Variants in RETREG1 observed in about 807,000 individuals in gnomAD.
The protein encoded by RETREG1 is family with sequence similarity 134 member B.
A neutral mutation model predicts 54.8 loss-of-function variants in RETREG1; 44 were observed. The observed-to-expected ratio is 0.80, with a 90% CI of 0.63 to 1.03. The LOEUF is 1.03. RETREG1 is among the 50% of genes least tolerant of loss of function. The pLI is 0.00. For synonymous variants in RETREG1, 217 were observed against 238.5 expected, an observed-to-expected ratio of 0.91 and a Z score of 0.83; for missense variants, 554 against 605.1, an observed-to-expected ratio of 0.92 and a Z score of 0.89.
chr5:16,586,592 G>A (rs759484656), intron 1 of RETREG1, among the ~76,000 whole-genome samples: 13 of 152,200 alleles, frequency 8.5e-5, no homozygotes, highest in South Asian at 2.1e-4. Flanking sequence ...AGTCAGATTT[G>A]CAAACCACTG....
At chr5:16,520,262 CTA>C (rs1200561029) in intron 3 of RETREG1, among the ~76,000 whole-genome samples, 1 of 151,872 alleles carries the variant, frequency 6.6e-6, no homozygotes, top group Non-Finnish European at 1.5e-5. Context: ...ATGCTCATCT[CTA>C]TGGTGATAGG....
intron 3 of RETREG1, among the ~76,000 whole-genome samples, chr5:16,496,133 A>C (rs1489385475): frequency 6.6e-6 from 1 of 152,196 alleles, no homozygotes; most frequent in Non-Finnish European, 1.5e-5. Context: ...TAAAAAAAAA[A>C]GTAGTATTAG....
intron 3 of RETREG1, chr5:16,508,496 A>C: frequency 7.7e-7 from 1 of 1,292,718 alleles, no homozygotes; most frequent in Middle Eastern, 1.9e-4. Flanking sequence ...CTCCTTTTTA[A>C]ATTAGTCATA....
chr5:16,557,758 C>T (rs10041159), intron 3 of RETREG1, among the ~76,000 whole-genome samples: 56,995 of 151,972 alleles, frequency 0.38, 10,807 homozygotes, highest in South Asian at 0.47. Context: ...AAAGATTTAC[C>T]CAAGCACAGA....
intron 3 of RETREG1, among the ~76,000 whole-genome samples, chr5:16,488,040 C>T (rs111623524): frequency 1.3e-4 from 20 of 152,274 alleles, no homozygotes; most frequent in African/African-American, 4.6e-4. Context: ...ATGGAGCAGG[C>T]CTGGGTGAGG....
chr5:16,601,681 C>A (rs1486844706), intron 1 of RETREG1, among the ~76,000 whole-genome samples: 2 of 152,132 alleles, frequency 1.3e-5, no homozygotes, highest in African/African-American at 4.8e-5. Flanking sequence ...TAGGCGTGAG[C>A]CACCATACCT....
intron 1 of RETREG1, among the ~76,000 whole-genome samples, chr5:16,609,761 C>A (rs919588392): frequency 6.6e-6 from 1 of 152,084 alleles, no homozygotes; most frequent in Non-Finnish European, 1.5e-5. Flanking sequence ...AAAGGGCGAT[C>A]CTGGGGAGGG....
intron 1 of RETREG1, among the ~76,000 whole-genome samples, chr5:16,615,420 G>T (rs1227786022): frequency 6.9e-6 from 1 of 143,922 alleles, no homozygotes; most frequent in African/African-American, 2.5e-5. Flanking sequence ...AAAAAAGAAA[G>T]AAAGAAAGAA....
chr5:16,500,027 G>C (rs779682257), intron 3 of RETREG1, among the ~76,000 whole-genome samples: 7 of 152,226 alleles, frequency 4.6e-5, no homozygotes. Flanking sequence ...CAAAAATGAG[G>C]CTGAAGCAGG....
chr5:16,475,014 G>A lies in RETREG1; in HGVS notation c.1221C>T (p.His407=), dbSNP rs1408354525. 1 of 1,613,704 alleles carries A rather than the reference G, an allele frequency of 6.2e-7. No individual in the cohort carries two copies. The stretch of plus-strand genomic sequence containing the variant: ...CATCCCCAGCCAGGTTGCTCATCAG[G>A]TGAAAGGTTTGGTCACTGTTCAGAG... ...TLPLNSDQTF[H]LMSNLAGDVI... is the part of the protein sequence containing the mutation. Residue 407 remains histidine (H), a synonymous_variant, in exon 9 of 9, where the codon CAC becomes CAT. Transcript: ENST00000306320.
At chr5:16,576,290 TTTTC>T (rs1742314784) in intron 1 of RETREG1, among the ~76,000 whole-genome samples, 1 of 140,320 alleles carries the variant, frequency 7.1e-6, no homozygotes, top group Admixed American at 7.6e-5. Flanking sequence ...GATTTTTTCT[TTTTC>T]TTTTTTTTTT....
At chr5:16,549,564 A>G (rs1243017780) in intron 3 of RETREG1, among the ~76,000 whole-genome samples, 3 of 152,194 alleles carry the variant, frequency 2.0e-5, no homozygotes, top group Non-Finnish European at 4.4e-5. Context: ...TTTCTGTTCC[A>G]TTTAGACATT....
At chr5:16,527,826 T>C (rs334494) in intron 3 of RETREG1, among the ~76,000 whole-genome samples, 14,205 of 138,540 alleles carry the variant, frequency 0.1, 841 homozygotes, top group African/African-American at 0.13. Flanking sequence ...TTTTTTTTTT[T>C]TGAGATGCAG....
intron 3 of RETREG1, among the ~76,000 whole-genome samples, chr5:16,524,370 C>T (rs1740632652): frequency 6.6e-6 from 1 of 152,210 alleles, no homozygotes; most frequent in Admixed American, 6.5e-5. Flanking sequence ...ACTTAAACCA[C>T]ATCCAGATTT....
At chr5:16,557,835 T>A (rs1400656181) in intron 3 of RETREG1, among the ~76,000 whole-genome samples, 1 of 152,178 alleles carries the variant, frequency 6.6e-6, no homozygotes, top group Non-Finnish European at 1.5e-5. Flanking sequence ...AGGGATGCTT[T>A]TTTAATTTAA....
intron 3 of RETREG1, among the ~76,000 whole-genome samples, chr5:16,485,111 AG>A (rs1393205599): frequency 1.3e-5 from 2 of 152,152 alleles, no homozygotes; most frequent in African/African-American, 2.4e-5. Context: ...TATATGGCAA[AG>A]GAAATATAAG....
chr5:16,606,407 C>T (rs757898642), intron 1 of RETREG1, among the ~76,000 whole-genome samples: 15 of 152,122 alleles, frequency 9.9e-5, no homozygotes, highest in South Asian at 2.1e-4. Context: ...AAGGCTGCAA[C>T]GACTAAACTC....
chr5:16,519,785 C>T (rs1466268167), intron 3 of RETREG1, among the ~76,000 whole-genome samples: 1 of 152,234 alleles, frequency 6.6e-6, no homozygotes, highest in Non-Finnish European at 1.5e-5. Context: ...GGCCCCCTCT[C>T]CGTGCCTGGA....
At chr5:16,577,827 T>G (rs1005219062) in intron 1 of RETREG1, among the ~76,000 whole-genome samples, 3 of 152,150 alleles carry the variant, frequency 2.0e-5, no homozygotes, top group Admixed American at 2.0e-4. Flanking sequence ...GAAACCCCTT[T>G]TGCTTAGCTC....
Sources: allele counts gnomAD v4.1 joint callset (sites outside exome capture counted in the v4.1 genomes callset), GRCh38; gene constraint gnomAD v4.1.1; transcripts MANE v1.5; gene names NCBI Gene and HGNC (gene_info 2026-07-23, HGNC 2026-07-21).